The following MON2 variants were observed in gnomAD, a reference collection of about 807,000 sequenced individuals.
MON2 encodes the protein MON2 regulator of endosome-to-Golgi trafficking, also known as protein MON2 homolog.
In MON2, 84 loss-of-function variants were observed where a neutral mutation model predicts 208.6. The observed-to-expected ratio is 0.40, with a 90% CI of 0.34 to 0.48. The LOEUF (loss-of-function observed/expected upper bound fraction) is 0.48. Ranked by LOEUF, MON2 falls within the 20% of genes least tolerant of loss-of-function variation. The pLI is 0.59. For missense variants in MON2, 1,611 were observed against 2,015.4 expected, an observed-to-expected ratio of 0.80 and a Z score of 3.84; for synonymous variants, 660 against 694.0, an observed-to-expected ratio of 0.95 and a Z score of 0.77.
At chr12:62,513,322 T>C (rs1182032725) in intron 8 of MON2, among the ~76,000 whole-genome samples, 7 of 151,882 alleles carry the variant, frequency 4.6e-5, no homozygotes, top group African/African-American at 1.7e-4. Context: ...GCCTCCTGGG[T>C]TCAAGTGATT....
chr12:62,555,830 T>G (rs1036330976), intron 24 of MON2, among the ~76,000 whole-genome samples, 164 bp from the exon 25 acceptor site: 4 of 147,858 alleles, frequency 2.7e-5, no homozygotes, highest in African/African-American at 9.9e-5. Flanking sequence ...AAAAAAAGAA[T>G]GTATAATTAC....
chr12:62,471,303 C>T (rs1317358172), intron 1 of MON2, among the ~76,000 whole-genome samples: 2 of 152,194 alleles, frequency 1.3e-5, no homozygotes, highest in Admixed American at 1.3e-4. Context: ...CCGCCTCAGC[C>T]TCCTGAGTAC....
intron 2 of MON2, chr12:62,489,947 G>T: frequency 3.0e-6 from 2 of 666,904 alleles, no homozygotes; most frequent in Non-Finnish European, 2.1e-6. Flanking sequence ...ATTTTTTAAT[G>T]GCTGTTAAAA....
At chr12:62,521,039 C>G (rs1284433627) in intron 8 of MON2, among the ~76,000 whole-genome samples, 1 of 150,854 alleles carries the variant, frequency 6.6e-6, no homozygotes, top group Non-Finnish European at 1.5e-5. Context: ...GAATTTCACT[C>G]TCATTGCCCA....
chr12:62,570,183 G>A (rs2074537716), intron 29 of MON2, among the ~76,000 whole-genome samples: 1 of 152,104 alleles, frequency 6.6e-6, no homozygotes, highest in Non-Finnish European at 1.5e-5. Context: ...TGTCTCAAAA[G>A]TTGATCAGTT....
At chr12:62,565,532 A>G (rs2074347942) in intron 27 of MON2, 152 bp downstream of exon 27, 2 of 707,108 alleles carry the variant, frequency 2.8e-6, no homozygotes, top group Non-Finnish European at 4.4e-6. Context: ...TAAGCTGAAC[A>G]GAAATATTGT....
chr12:62,536,677 A>G (rs2072988347), intron 14 of MON2, among the ~76,000 whole-genome samples: 1 of 151,012 alleles, frequency 6.6e-6, no homozygotes, highest in Non-Finnish European at 1.5e-5. Context: ...TACCTCATGA[A>G]GTTTTTGTGT....
At chr12:62,584,700 C>G (rs1376023925) in intron 32 of MON2, among the ~76,000 whole-genome samples, 1 of 91,178 alleles carries the variant, frequency 1.1e-5, no homozygotes, top group East Asian at 3.0e-4. Context: ...GAGACTCTGT[C>G]TCAACAAAAA....
rs559971073 is a variant in MON2 at position 62,533,316 on chromosome 12, T to G, written c.1633+646T>G. 1.8e-3 allele frequency among the ~76,000 whole-genome samples: 273 copies of G among 152,338 alleles called. 3 individuals carry two copies. Among genetic ancestry groups the G allele is most frequent in the African/African-American group, 6.3e-3 (263 of 41,590 alleles). ...TTGGTTAATACAATGTCAGCCTGGT[T>G]TCTTCAGTGTACAGTTAATTATTAA... is the stretch of plus-strand genomic sequence containing the variant. On this transcript the variant is annotated intron_variant, in intron 12 of 34. Coordinates refer to ENST00000393630, the MANE Select transcript of MON2 (RefSeq NM_015026.3).
intron 11 of MON2, among the ~76,000 whole-genome samples, chr12:62,527,754 A>G (rs758164440): frequency 3.9e-5 from 6 of 152,050 alleles, no homozygotes; most frequent in South Asian, 2.1e-4. Flanking sequence ...AGAATGACCA[A>G]GGTGAAGATG....
chr12:62,571,009 C>T (rs191945097), intron 29 of MON2, among the ~76,000 whole-genome samples: 85 of 152,156 alleles, frequency 5.6e-4, no homozygotes, highest in Admixed American at 9.8e-4. Flanking sequence ...CGATTACAGG[C>T]GTGAGCCACC....
rs143247737 is a variant in MON2, at chr12:62,568,332, A to T, written c.4323+1882A>T. Among the ~76,000 whole-genome samples the T allele has an allele frequency of 3.4e-3, 521 of 152,260 alleles. 2 individuals are homozygous for T. The highest frequency in any genetic ancestry group is 0.012 in the African/African-American group (490 of 41,564). On this transcript the variant is annotated intron_variant, in intron 29 of 34. Transcript: ENST00000393630. Reference sequence around the variant, plus strand: ...TAAACACTACAAAGTAATATGAATCAGTTTGTGTATTTTTATTTTTTTTAG... The same window carrying T: ...TAAACACTACAAAGTAATATGAATCTGTTTGTGTATTTTTATTTTTTTTAG...
chr12:62,530,057 C>T (rs59191400), intron 11 of MON2, among the ~76,000 whole-genome samples: 19,226 of 151,798 alleles, frequency 0.13, 1,341 homozygotes, highest in East Asian at 0.27. Context: ...TGTAGTTACC[C>T]GACTGAACTG....
At chr12:62,557,638 C>A (rs968801502) in intron 25 of MON2, among the ~76,000 whole-genome samples, 5 of 151,992 alleles carry the variant, frequency 3.3e-5, no homozygotes, top group Admixed American at 1.3e-4. Flanking sequence ...ATTTTTTAAA[C>A]TAATTTATGT....
intron 8 of MON2, among the ~76,000 whole-genome samples, chr12:62,519,764 A>G (rs2071911041): frequency 6.6e-6 from 1 of 152,180 alleles, no homozygotes; most frequent in Non-Finnish European, 1.5e-5. Context: ...GCCTTTTTAG[A>G]TAATAATGGT....
At chr12:62,579,453 G>T (rs2074920391) in intron 31 of MON2, among the ~76,000 whole-genome samples, 1 of 151,846 alleles carries the variant, frequency 6.6e-6, no homozygotes, top group African/African-American at 2.4e-5. Flanking sequence ...GCCGGGCGCG[G>T]TGGCTCACAC....
rs2075480401 is a variant in MON2, at chr12:62,594,473, T to G, written c.*1724T>G. ...GCTTTCAGCATTTTCCTTAAAGTTG[T>G]AAAAAATCAAGCTATGTACTTATTT... On this transcript the variant is annotated 3_prime_UTR_variant, in exon 35 of 35. Transcript: ENST00000393630. 6.6e-6 allele frequency: 1 copy of G among 152,234 alleles called. No homozygotes were observed. Among genetic ancestry groups the G allele is most frequent in the Admixed American group, 6.5e-5 (1 of 15,282 alleles). 9.4% of individuals were successfully genotyped at this position (152,234 alleles called of 1,614,324 possible).
At chr12:62,576,123 A>G (rs977674602) in intron 30 of MON2, among the ~76,000 whole-genome samples, 3 of 152,214 alleles carry the variant, frequency 2.0e-5, no homozygotes, top group African/African-American at 4.8e-5. Flanking sequence ...ACAGTGGAAC[A>G]TTATTCAGCC....
At chr12:62,470,153 C>T (rs115292722) in intron 1 of MON2, among the ~76,000 whole-genome samples, 4,926 of 152,090 alleles carry the variant, frequency 0.032, 284 homozygotes, top group African/African-American at 0.11. Context: ...GCAATCTGTC[C>T]ACCTCCTACT....
Sources: allele counts gnomAD v4.1 joint callset (sites outside exome capture counted in the v4.1 genomes callset), GRCh38; gene constraint gnomAD v4.1.1; transcripts MANE v1.5; gene names NCBI Gene and HGNC (gene_info 2026-07-23, HGNC 2026-07-21).